The following SMG6 variants were observed in gnomAD, a reference collection of about 807,000 sequenced individuals.
SMG6 encodes the protein telomerase-binding protein EST1A.
Under a neutral mutation model 142.2 loss-of-function variants are expected in SMG6, and 66 were observed. That is an observed-to-expected ratio of 0.46 (90% confidence interval 0.38 to 0.57). SMG6 has a LOEUF of 0.57. SMG6 is among the 20% of genes least tolerant of loss of function. The probability of loss-of-function intolerance (pLI) is 0.00; values close to 1 mark genes in which losing one functional copy is unlikely to be tolerated. For synonymous variants in SMG6, 779 were observed against 702.4 expected, an observed-to-expected ratio of 1.11 and a Z score of -1.72; for missense variants, 1,793 against 1,832.0, an observed-to-expected ratio of 0.98 and a Z score of 0.39.
intron 13 of SMG6, among the ~76,000 whole-genome samples, chr17:2,146,736 T>C (rs1444502887): frequency 6.6e-6 from 1 of 152,140 alleles, no homozygotes; most frequent in African/African-American, 2.4e-5. Flanking sequence ...CGGCTAAGTT[T>C]TGTATTTTTA....
intron 13 of SMG6, among the ~76,000 whole-genome samples, chr17:2,124,692 C>A (rs372763164): frequency 6.6e-6 from 1 of 152,172 alleles, no homozygotes; most frequent in African/African-American, 2.4e-5. Flanking sequence ...GGGGAAGGGG[C>A]AGCAGGGAGA....
intron 10 of SMG6, among the ~76,000 whole-genome samples, chr17:2,209,070 A>AG (rs1490798699): frequency 6.6e-6 from 1 of 152,108 alleles, no homozygotes; most frequent in African/African-American, 2.4e-5. Flanking sequence ...GAGGTGAGGT[A>AG]GGAGGATGGG....
At chr17:2,254,115 TCTGA>T (rs1383170976) in intron 8 of SMG6, among the ~76,000 whole-genome samples, 1 of 152,232 alleles carries the variant, frequency 6.6e-6, no homozygotes, top group Non-Finnish European at 1.5e-5. Flanking sequence ...ACACTGTTGC[TCTGA>T]CTGAGTTACT....
rs752462179 is a variant in SMG6 at position 2,300,246 on chromosome 17, G to A, written c.507C>T (p.Leu169=). The change falls in exon 2 of 19, where the codon CTC becomes CTT. Residue 169 remains leucine (L), a synonymous_variant. Coordinates refer to ENST00000263073, the MANE Select transcript of SMG6 (RefSeq NM_017575.5). Reference sequence around the variant, plus strand: ...CTACTCTCAGTTGTTCTACCTGGTTGAGGACTTCTTCCTCCTCCACCCGAC... The same window carrying A: ...CTACTCTCAGTTGTTCTACCTGGTTAAGGACTTCTTCCTCCTCCACCCGAC... The part of the protein sequence containing the change: ...SASRVEEEEV[L]NQVEQLRVEE... The A allele has an allele frequency of 4.3e-6, 7 of 1,614,130 alleles. No homozygotes were observed. The highest frequency in any genetic ancestry group is 5.9e-6 in the Non-Finnish European group (7 of 1,180,052).
At chr17:2,152,661 T>C (rs1285124875) in intron 13 of SMG6, among the ~76,000 whole-genome samples, 1 of 152,174 alleles carries the variant, frequency 6.6e-6, no homozygotes, top group African/African-American at 2.4e-5. Context: ...AGTATAATTA[T>C]TAAAAAACAA....
At chr17:2,089,896 T>C (rs2068665859) in intron 13 of SMG6, 1 of 151,964 alleles carries the variant, frequency 6.6e-6, no homozygotes, top group Non-Finnish European at 1.5e-5. Context: ...AAAAATGGTG[T>C]TTCTTGACTG....
At chr17:2,077,520 A>G (rs190017419) in intron 15 of SMG6, among the ~76,000 whole-genome samples, 17 of 152,330 alleles carry the variant, frequency 1.1e-4, no homozygotes, top group African/African-American at 4.1e-4. Context: ...ACCCGAGTGG[A>G]AAAAGGCAGA....
At chr17:2,189,726 T>A (rs2072101096) in intron 10 of SMG6, among the ~76,000 whole-genome samples, 3 of 152,102 alleles carry the variant, frequency 2.0e-5, no homozygotes, top group Admixed American at 2.0e-4. Flanking sequence ...TTCCTTACCA[T>A]CTTTGCCCCA....
At chr17:2,144,210 C>G (rs1391641557) in intron 13 of SMG6, among the ~76,000 whole-genome samples, 1 of 151,988 alleles carries the variant, frequency 6.6e-6, no homozygotes, top group Non-Finnish European at 1.5e-5. Context: ...AGGTGCCTGC[C>G]ATCACGCCCA....
intron 13 of SMG6, among the ~76,000 whole-genome samples, chr17:2,142,829 G>A (rs1208843687): frequency 2.7e-5 from 4 of 149,722 alleles, no homozygotes; most frequent in African/African-American, 4.9e-5. Flanking sequence ...CGGAGGTTGC[G>A]GTGAGCCAAG....
In SMG6 at chr17:2,117,734, G is replaced by A. The variant is rs2069551493; in HGVS notation, c.3358-31833C>T. ...ACGTAAATTAAACTTACTCCCATAA[G>A]GATTCTAGCGTTTGTCGTAAGAATT... On this transcript the variant is annotated intron_variant, in intron 13 of 18. Coordinates refer to ENST00000263073, the MANE Select transcript of SMG6 (RefSeq NM_017575.5). 5 of 152,138 alleles carry A rather than the reference G, an allele frequency of 3.3e-5. No homozygotes were observed. The South Asian group carries it at 1.0e-3, about 32-fold the overall frequency. 9.4% of individuals were successfully genotyped at this position (152,138 alleles called of 1,614,324 possible).
intron 13 of SMG6, among the ~76,000 whole-genome samples, chr17:2,124,754 A>G (rs919627585): frequency 6.6e-6 from 1 of 152,174 alleles, no homozygotes; most frequent in Non-Finnish European, 1.5e-5. Context: ...TACTTCTTAC[A>G]TGGCAGAAAA....
At chr17:2,148,935 T>G (rs547254449) in intron 13 of SMG6, among the ~76,000 whole-genome samples, 1 of 152,092 alleles carries the variant, frequency 6.6e-6, no homozygotes, top group Admixed American at 6.6e-5. Flanking sequence ...GAATGGAGAC[T>G]TATTATTTCA....
intron 8 of SMG6, among the ~76,000 whole-genome samples, chr17:2,273,975 A>G (rs1348271602): frequency 2.6e-5 from 4 of 152,256 alleles, no homozygotes; most frequent in Non-Finnish European, 5.9e-5. Context: ...CACAAATAAC[A>G]AGAATCAACT....
In SMG6 at chr17:2,068,724, G is replaced by T; in HGVS notation, c.3835+54C>A. Reference sequence around the variant, plus strand: ...GGCCCCCAGGCCGTGGGGCGTGTGTGGAGGGGGCTGCTGTGCACATGCAAG... The same window carrying T: ...GGCCCCCAGGCCGTGGGGCGTGTGTTGAGGGGGCTGCTGTGCACATGCAAG... On this transcript the variant is annotated intron_variant, in intron 16 of 18. Coordinates refer to ENST00000263073, the MANE Select transcript of SMG6 (RefSeq NM_017575.5). This position sits in a 1 kb window ranked among gnomAD's most constrained non-coding sequence, Gnocchi z 6.7. The T allele has an allele frequency of 6.3e-7, 1 of 1,576,080 alleles. No homozygotes were observed. Among genetic ancestry groups the T allele is most frequent in the South Asian group, 1.2e-5 (1 of 86,054 alleles).
chr17:2,235,925 G>A (rs2073638753), intron 10 of SMG6: 1 of 152,064 alleles, frequency 6.6e-6, no homozygotes, highest in African/African-American at 2.4e-5. Context: ...AAACATTTTA[G>A]AATGCACACT....
intron 10 of SMG6, among the ~76,000 whole-genome samples, chr17:2,207,037 C>T (rs1025058491): frequency 2.0e-5 from 3 of 149,592 alleles, no homozygotes; most frequent in Admixed American, 6.7e-5. Flanking sequence ...TTTGGGAAGC[C>T]GGGGCAGGCA....
intron 10 of SMG6, among the ~76,000 whole-genome samples, chr17:2,193,788 G>A (rs1399456763): frequency 2.0e-5 from 3 of 152,194 alleles, no homozygotes; most frequent in Non-Finnish European, 4.4e-5. Flanking sequence ...AGAGGGAGAG[G>A]AAACCATTTC....
intron 10 of SMG6, among the ~76,000 whole-genome samples, chr17:2,234,975 AG>A (rs1448085053): frequency 1.3e-5 from 2 of 152,218 alleles, no homozygotes. Context: ...GCTCTGTGAC[AG>A]GTAGCTCACT....
Sources: gnomAD v4.1 joint callset for allele counts (sites outside exome capture counted in the v4.1 genomes callset) on GRCh38, gnomAD v4.1.1 for gene constraint, Gnocchi (gnomAD v3.1) non-coding constraint, MANE v1.5 for transcripts, NCBI Gene and HGNC (gene_info 2026-07-23, HGNC 2026-07-21) for gene names.